ANKRD33B: variants seen among roughly 807,000 people sequenced by gnomAD.
ANKRD33B encodes ankyrin repeat domain-containing protein 33B.
Under a neutral mutation model 21.5 loss-of-function variants are expected in ANKRD33B, and 6 were observed. The observed-to-expected ratio is 0.28, with a 90% CI of 0.15 to 0.55. ANKRD33B has a LOEUF of 0.55. ANKRD33B is among the 20% of genes least tolerant of loss of function. The pLI, the probability that ANKRD33B is intolerant of heterozygous loss-of-function variation, is 0.94. For synonymous variants in ANKRD33B, 347 were observed against 342.4 expected, an observed-to-expected ratio of 1.01 and a Z score of -0.15; for missense variants, 698 against 747.2, an observed-to-expected ratio of 0.93 and a Z score of 0.77.
intron 1 of ANKRD33B, among the ~76,000 whole-genome samples, chr5:10,578,020 A>T (rs112311246): frequency 3.3e-5 from 5 of 152,124 alleles, no homozygotes; most frequent in Non-Finnish European, 5.9e-5. Flanking sequence ...GGCCTTCAGG[A>T]GTGGGGAAAG....
intron 1 of ANKRD33B, among the ~76,000 whole-genome samples, chr5:10,585,181 G>A (rs1343691051): frequency 1.3e-5 from 2 of 152,210 alleles, no homozygotes; most frequent in South Asian, 2.1e-4. Context: ...TGCTGGCGTC[G>A]TGTTGAAGTT....
At position 10,574,925 on chromosome 5, in the gene ANKRD33B, A is replaced by G. The variant is rs186840558; in HGVS notation, c.366+10092A>G. Among the ~76,000 whole-genome samples, 299 of 53,660 alleles carry G rather than the reference A, an allele frequency of 5.6e-3. 109 individuals are homozygous for G. Among genetic ancestry groups the G allele is most frequent in the Middle Eastern group, 0.04 (5 of 124 alleles). 35.2% of individuals were successfully genotyped at this position (53,660 alleles called of 152,430 possible). On this transcript the variant is annotated intron_variant, in intron 1 of 3. Coordinates refer to ENST00000296657, the MANE Select transcript of ANKRD33B (RefSeq NM_001164440.2). Reference sequence around the variant, plus strand: ...CAAGACTTTGTCTCTACAAAAAAAAAAAAAATTAAAACTTAGTCGGGTGTG... The same window carrying G: ...CAAGACTTTGTCTCTACAAAAAAAAGAAAAATTAAAACTTAGTCGGGTGTG...
intron 3 of ANKRD33B, among the ~76,000 whole-genome samples, chr5:10,638,884 C>G (rs199789240): frequency 0.33 from 40,286 of 120,306 alleles, 8,776 homozygotes; most frequent in Middle Eastern, 0.49. Flanking sequence ...GTAATGTTAG[C>G]GGGTGACGTG....
intron 1 of ANKRD33B, among the ~76,000 whole-genome samples, chr5:10,605,645 C>G (rs906836784): frequency 5.9e-5 from 9 of 152,116 alleles, no homozygotes; most frequent in African/African-American, 2.2e-4. Context: ...TCTCTTGCCT[C>G]AGCCTCCCAA....
chr5:10,606,503 A>G (rs1176853838), intron 1 of ANKRD33B, among the ~76,000 whole-genome samples: 1 of 152,162 alleles, frequency 6.6e-6, no homozygotes, highest in Non-Finnish European at 1.5e-5. Context: ...TGGGAGGCCA[A>G]GGTGGGCGGA....
intron 1 of ANKRD33B, among the ~76,000 whole-genome samples, chr5:10,600,596 G>A (rs1301797161): frequency 6.6e-6 from 1 of 152,156 alleles, no homozygotes; most frequent in Non-Finnish European, 1.5e-5. Context: ...GCAATTTTGG[G>A]ATATTATGGA....
intron 3 of ANKRD33B, among the ~76,000 whole-genome samples, 188 bp from the exon 4 acceptor site, chr5:10,649,078 A>G (rs536445385): frequency 6.7e-6 from 1 of 148,722 alleles, no homozygotes; most frequent in Non-Finnish European, 1.5e-5. Context: ...CCGCCACTGC[A>G]CTCCAGGCCC....
At chr5:10,625,635 C>T (rs1168829764) in intron 2 of ANKRD33B, among the ~76,000 whole-genome samples, 1 of 152,216 alleles carries the variant, frequency 6.6e-6, no homozygotes, top group Non-Finnish European at 1.5e-5. Context: ...GGCCTTCACT[C>T]ACTGTGGTGG....
At chr5:10,599,424 C>G (rs75770274) in intron 1 of ANKRD33B, among the ~76,000 whole-genome samples, 207 of 152,224 alleles carry the variant, frequency 1.4e-3, no homozygotes, top group Non-Finnish European at 2.5e-3. Flanking sequence ...CAATGTTGTG[C>G]AAACATTATC....
At chr5:10,566,407 A>G (rs1486954460) in intron 1 of ANKRD33B, among the ~76,000 whole-genome samples, 2 of 152,194 alleles carry the variant, frequency 1.3e-5, no homozygotes, top group African/African-American at 4.8e-5. Flanking sequence ...GTGTGTAATC[A>G]GAAACCTTGC....
At chr5:10,615,742 G>A (rs1201082209) in intron 1 of ANKRD33B, among the ~76,000 whole-genome samples, 2 of 152,208 alleles carry the variant, frequency 1.3e-5, no homozygotes, top group Non-Finnish European at 2.9e-5. Flanking sequence ...TGTTCAATAT[G>A]TTTTATTTAT....
At chr5:10,616,985 C>T (rs972910641) in intron 1 of ANKRD33B, among the ~76,000 whole-genome samples, 14 of 152,142 alleles carry the variant, frequency 9.2e-5, no homozygotes, top group African/African-American at 3.4e-4. Context: ...TGGCCCGGGC[C>T]CTCTTCCAGG....
intron 2 of ANKRD33B, among the ~76,000 whole-genome samples, chr5:10,633,619 G>T (rs942891503): frequency 6.6e-6 from 1 of 152,154 alleles, no homozygotes; most frequent in Non-Finnish European, 1.5e-5. Flanking sequence ...AGCGTTTCCC[G>T]GATTTCCTTT....
chr5:10,640,420 C>CATAG (rs1490962248), intron 3 of ANKRD33B, among the ~76,000 whole-genome samples: 6 of 152,178 alleles, frequency 3.9e-5, no homozygotes, highest in African/African-American at 1.4e-4. Context: ...AGAGGCTATC[C>CATAG]AGCTTCAATG....
rs1429303681 is a variant in ANKRD33B at position 10,654,122 on chromosome 5, T to C, written c.*4009T>C. On this transcript the variant is annotated 3_prime_UTR_variant, in exon 4 of 4. Transcript: ENST00000296657. ...CCAAGAACAGAAAAGCCAGGGCCTG[T>C]GTGGGGCAATGTGTTGTCCCTGTCG... 1 of 152,498 alleles carries C rather than the reference T, an allele frequency of 6.6e-6. No homozygotes were observed. Among genetic ancestry groups the C allele is most frequent in the Non-Finnish European group, 1.5e-5 (1 of 68,142 alleles). The allele number at this position is 152,498 out of a possible 1,614,324, so 9.4% of individuals were successfully genotyped here.
chr5:10,623,101 G>T (rs1017565892), intron 2 of ANKRD33B, among the ~76,000 whole-genome samples: 15 of 152,136 alleles, frequency 9.9e-5, no homozygotes, highest in African/African-American at 3.6e-4. Context: ...CCAAGGAGCA[G>T]CCCCCACCCT....
At chr5:10,584,340 G>A (rs559092164) in intron 1 of ANKRD33B, among the ~76,000 whole-genome samples, 2 of 152,156 alleles carry the variant, frequency 1.3e-5, no homozygotes, top group Non-Finnish European at 2.9e-5. Flanking sequence ...GAGCTTGGGA[G>A]TTCAAGACCA....
chr5:10,613,990 C>CGGGTGTGTGT (rs1736228972), intron 1 of ANKRD33B, among the ~76,000 whole-genome samples: 1 of 141,290 alleles, frequency 7.1e-6, no homozygotes, highest in African/African-American at 2.7e-5. Context: ...CCAGAGAAAT[C>CGGGTGTGTGT]GTGTGTGTGT....
At chr5:10,591,915 T>G (rs1280549610) in intron 1 of ANKRD33B, among the ~76,000 whole-genome samples, 2 of 152,204 alleles carry the variant, frequency 1.3e-5, no homozygotes, top group Non-Finnish European at 2.9e-5. Flanking sequence ...ATTTATATAG[T>G]AACTTACATT....
Sources: gnomAD v4.1 joint callset for allele counts (sites outside exome capture counted in the v4.1 genomes callset) on GRCh38, gnomAD v4.1.1 for gene constraint, MANE v1.5 for transcripts, NCBI Gene and HGNC (gene_info 2026-07-23, HGNC 2026-07-21) for gene names.